Variants in TMEM117 observed in about 807,000 individuals in gnomAD.
TMEM117 encodes the protein transmembrane protein 117.
TMEM117 carries 27 observed loss-of-function variants against 52.4 expected under a neutral mutation model. The ratio of observed to expected loss-of-function variants is 0.51; its 90% CI spans 0.38 to 0.71. TMEM117 has a LOEUF of 0.71. Ranked by LOEUF, TMEM117 falls within the 30% of genes least tolerant of loss-of-function variation. The pLI is 0.00. For missense variants in TMEM117, 556 were observed against 630.5 expected (o/e 0.88, Z 1.26); for synonymous variants, 215 against 206.3 (o/e 1.04, Z -0.36).
intron 3 of TMEM117, among the ~76,000 whole-genome samples, chr12:44,090,849 GTTTT>G (rs541939145): frequency 9.8e-6 from 1 of 101,638 alleles, no homozygotes; most frequent in Non-Finnish European, 2.0e-5. Context: ...GTTTTTTTTT[GTTTT>G]TTTTTTTTTT....
At position 43,968,843 on chromosome 12, in the gene TMEM117, C is replaced by G. The variant is rs114481548; in HGVS notation, c.410+24501C>G. ...AAAGTACCCGTATTTAAAACTGTTT[C>G]CAGAATTGGCAGTTTTTACTGCAGC... On this transcript the variant is annotated intron_variant, in intron 3 of 7. Coordinates refer to ENST00000266534, the MANE Select transcript of TMEM117 (RefSeq NM_032256.3). Among the ~76,000 whole-genome samples the G allele has an allele frequency of 7.0e-3, 1,065 of 152,238 alleles. 11 individuals carry two copies. Among genetic ancestry groups the G allele is most frequent in the African/African-American group, 0.023 (962 of 41,518 alleles).
intron 3 of TMEM117, among the ~76,000 whole-genome samples, chr12:44,061,328 A>C (rs1947135384): frequency 6.6e-6 from 1 of 152,188 alleles, no homozygotes; most frequent in African/African-American, 2.4e-5. Flanking sequence ...TAGGATGGGA[A>C]GAACATTTCT....
intron 3 of TMEM117, among the ~76,000 whole-genome samples, chr12:44,019,672 G>T (rs1946426623): frequency 6.6e-6 from 1 of 152,152 alleles, no homozygotes; most frequent in Admixed American, 6.5e-5. Flanking sequence ...TAGTTGGCAG[G>T]TTCATTAATC....
At chr12:43,846,879 A>G (rs957523033) in intron 2 of TMEM117, among the ~76,000 whole-genome samples, 3 of 152,210 alleles carry the variant, frequency 2.0e-5, no homozygotes, top group African/African-American at 7.2e-5. Flanking sequence ...AGTATTATGT[A>G]TGTATTTTTC....
intron 4 of TMEM117, among the ~76,000 whole-genome samples, chr12:44,162,110 A>G (rs1022249908): frequency 1.3e-5 from 2 of 152,194 alleles, no homozygotes; most frequent in African/African-American, 4.8e-5. Context: ...GAACGTGAAC[A>G]TTCTAGAGAA....
At chr12:43,905,586 C>G (rs4537822) in intron 2 of TMEM117, among the ~76,000 whole-genome samples, 1 of 151,770 alleles carries the variant, frequency 6.6e-6, no homozygotes, top group African/African-American at 2.4e-5. Context: ...AGAAAGTTGT[C>G]TTTCTGGGCT....
At chr12:43,878,984 T>G (rs188750826) in intron 2 of TMEM117, among the ~76,000 whole-genome samples, 1 of 152,288 alleles carries the variant, frequency 6.6e-6, no homozygotes, top group Non-Finnish European at 1.5e-5. Flanking sequence ...CAGTAATACT[T>G]GCGTTAAATG....
intron 2 of TMEM117, among the ~76,000 whole-genome samples, chr12:43,934,451 G>A (rs1169711050): frequency 1.3e-5 from 2 of 152,096 alleles, no homozygotes; most frequent in Admixed American, 6.5e-5. Context: ...ACTAATTTAT[G>A]TCAACATGTG....
At chr12:44,392,357 A>G (rs937853144), downstream of TMEM117, among the ~76,000 whole-genome samples, 5 of 152,282 alleles carry the variant, frequency 3.3e-5, no homozygotes, top group East Asian at 1.9e-4. Flanking sequence ...TTAAAACTGC[A>G]GGGAGAGAAT....
At chr12:44,097,264 G>A (rs1565825975) in intron 3 of TMEM117, among the ~76,000 whole-genome samples, 1 of 152,120 alleles carries the variant, frequency 6.6e-6, no homozygotes, top group Non-Finnish European at 1.5e-5. Context: ...TACACTGTTG[G>A]TGGGACTGTA....
chr12:44,244,096 T>A (rs553160215), intron 5 of TMEM117, among the ~76,000 whole-genome samples: 43 of 152,114 alleles, frequency 2.8e-4, no homozygotes, highest in African/African-American at 1.0e-3. Context: ...GGGAGTGACA[T>A]ATACCTTTGA....
intron 2 of TMEM117, among the ~76,000 whole-genome samples, chr12:43,922,196 G>C (rs755578625): frequency 1.3e-5 from 2 of 151,840 alleles, no homozygotes; most frequent in Non-Finnish European, 2.9e-5. Context: ...CTCTGTCTCT[G>C]TCTCTCTCTC....
intron 3 of TMEM117, among the ~76,000 whole-genome samples, chr12:43,970,515 C>G (rs956065682): frequency 5.3e-5 from 8 of 152,112 alleles, no homozygotes; most frequent in South Asian, 2.1e-4. Context: ...GTCTCAATCT[C>G]CTGACCTTGT....
chr12:44,061,287 A>G (rs1224655369), intron 3 of TMEM117, among the ~76,000 whole-genome samples: 1 of 152,114 alleles, frequency 6.6e-6, no homozygotes, highest in Non-Finnish European at 1.5e-5. Flanking sequence ...AGAAGATTTT[A>G]TCTTCTTTGC....
At chr12:44,199,973 C>G (rs534004973) in intron 4 of TMEM117, among the ~76,000 whole-genome samples, 1 of 152,132 alleles carries the variant, frequency 6.6e-6, no homozygotes, top group East Asian at 1.9e-4. Flanking sequence ...CAAAAATCAG[C>G]GGGGTGTGGT....
intron 3 of TMEM117, among the ~76,000 whole-genome samples, chr12:44,001,918 C>T (rs1456245399): frequency 6.6e-6 from 1 of 152,118 alleles, no homozygotes; most frequent in African/African-American, 2.4e-5. Context: ...TTCCCAGTGT[C>T]CATCCTTTCC....
At chr12:44,366,331 C>T (rs1397821936) in intron 6 of TMEM117, among the ~76,000 whole-genome samples, 2 of 151,948 alleles carry the variant, frequency 1.3e-5, no homozygotes, top group Non-Finnish European at 1.5e-5. Context: ...CCAAAAAGAC[C>T]CTGAGGATGA....
intron 2 of TMEM117, among the ~76,000 whole-genome samples, chr12:43,889,894 A>G (rs1592336819): frequency 6.6e-6 from 1 of 152,170 alleles, no homozygotes; most frequent in South Asian, 2.1e-4. Flanking sequence ...GCAGAGCAGG[A>G]TAAGACAGAG....
chr12:44,343,688 A>G (rs1951446930), intron 6 of TMEM117, among the ~76,000 whole-genome samples: 1 of 152,164 alleles, frequency 6.6e-6, no homozygotes, highest in African/African-American at 2.4e-5. Flanking sequence ...ATTAAATTAT[A>G]CACTTAAAAA....
Sources: allele counts gnomAD v4.1 joint callset (sites outside exome capture counted in the v4.1 genomes callset), GRCh38; gene constraint gnomAD v4.1.1; transcripts MANE v1.5; gene names NCBI Gene and HGNC (gene_info 2026-07-23, HGNC 2026-07-21).